NRIP1: variants seen among roughly 807,000 people sequenced by gnomAD.
The protein encoded by NRIP1 is nuclear receptor-interacting protein 1.
Under a neutral mutation model 75.0 loss-of-function variants are expected in NRIP1, and 28 were observed. The observed-to-expected ratio is 0.37, with a 90% CI of 0.28 to 0.51. NRIP1 has a LOEUF of 0.51. NRIP1 is among the 20% of genes least tolerant of loss of function. NRIP1 has a pLI of 0.92. For missense variants in NRIP1, 1,435 were observed against 1,343.7 expected (o/e 1.07, Z -1.06); for synonymous variants, 526 against 487.6 (o/e 1.08, Z -1.04).
Position 14,966,630 on chromosome 21 carries a change from TC to T in NRIP1, c.1562del (p.Gly521GlufsTer6). On this transcript the variant is annotated frameshift_variant, in exon 4 of 4. Transcript: ENST00000318948. LOFTEE classifies it high-confidence loss of function. Reference protein sequence around the residue: ...ENVEKNTSPQGVHNDVSKFNT... With the variant: ...ENVEKNTSPQXVHNDVSKFNT... ...TGAACTTGCTCACATCATTGTGTAC[TC>T]CCTGAGGGCTGGTGTTTTTTTCTAC... The T allele has an allele frequency of 6.2e-7, 1 of 1,614,156 alleles. No homozygotes were observed. The highest frequency in any genetic ancestry group is 8.5e-7 in the Non-Finnish European group (1 of 1,179,994).
chr21:15,045,635 A>T (rs1017570661), intron 1 of NRIP1, among the ~76,000 whole-genome samples: 1 of 152,214 alleles, frequency 6.6e-6, no homozygotes, highest in South Asian at 2.1e-4. Context: ...ACAACAATGA[A>T]GTTTGCCACA....
At chr21:15,037,789 T>C (rs954724189) in intron 2 of NRIP1, among the ~76,000 whole-genome samples, 2 of 152,132 alleles carry the variant, frequency 1.3e-5, no homozygotes, top group Non-Finnish European at 2.9e-5. Context: ...CAGGTAGAAA[T>C]AGGACTTGTC....
At chr21:15,006,471 A>C (rs1173243476) in intron 3 of NRIP1, among the ~76,000 whole-genome samples, 2 of 152,210 alleles carry the variant, frequency 1.3e-5, no homozygotes, top group East Asian at 3.8e-4. Flanking sequence ...GGTGGAACAA[A>C]CAGCTGTAAT....
At chr21:15,020,646 T>C (rs551248206) in intron 2 of NRIP1, among the ~76,000 whole-genome samples, 2 of 152,256 alleles carry the variant, frequency 1.3e-5, no homozygotes, top group African/African-American at 4.8e-5. Context: ...GCAAATCATA[T>C]AACTGATGAA....
In NRIP1 at chr21:14,964,634, C is replaced by T. The variant is rs901229538; in HGVS notation, c.*82G>A. 5 of 1,091,894 alleles carry T rather than the reference C, an allele frequency of 4.6e-6. No individual in the cohort carries two copies. Among genetic ancestry groups the T allele is most frequent in the East Asian group, 5.1e-5 (2 of 39,250 alleles). The allele number at this position is 1,091,894 out of a possible 1,614,324, so 67.6% of individuals were successfully genotyped here. ...GTTTCAATTATACCATGCTTTTTTTCAAATCATGCTCTTATTTATACAGAT... is the reference window on the plus strand; with the variant it reads ...GTTTCAATTATACCATGCTTTTTTTTAAATCATGCTCTTATTTATACAGAT... On this transcript the variant is annotated 3_prime_UTR_variant, in exon 4 of 4. Coordinates refer to ENST00000318948, the MANE Select transcript of NRIP1 (RefSeq NM_003489.4).
chr21:15,048,602 CT>C (rs2089138110), intron 1 of NRIP1, among the ~76,000 whole-genome samples: 3 of 152,240 alleles, frequency 2.0e-5, no homozygotes, highest in Admixed American at 2.0e-4. Flanking sequence ...TAGGACATTA[CT>C]TTTTTAGGAG....
Position 14,966,466 on chromosome 21 carries a change from T to A in NRIP1, c.1727A>T (p.Lys576Ile). The change falls in exon 4 of 4, where the codon AAA (lysine) becomes ATA (isoleucine). Residue 576 changes from lysine to isoleucine, a missense_variant. Transcript: ENST00000318948. ...INLSQHSLVI[K>I]WNSPPYVCST... ...GCAGACATATGGTGGGGAATTCCAT[T>A]TGATGACCAGAGAGTGTTGAGAGAG... 1 of 1,614,082 alleles carries A rather than the reference T, an allele frequency of 6.2e-7. No individual in the cohort carries two copies. Among genetic ancestry groups the A allele is most frequent in the Middle Eastern group, 1.6e-4 (1 of 6,062 alleles).
rs1313756729 is a variant in NRIP1 at position 14,967,392 on chromosome 21, T to A, written c.801A>T (p.Ala267=). The A allele has an allele frequency of 6.2e-7, 1 of 1,613,996 alleles. No individual in the cohort carries two copies. Among genetic ancestry groups the A allele is most frequent in the Non-Finnish European group, 8.5e-7 (1 of 1,180,010 alleles). The part of the protein sequence containing the change: ...PKPSVACSQL[A]LLLSSEAHLQ... Reference sequence around the variant, plus strand: ...AATGGGCTTCGCTTGACAGAAGTAATGCTAACTGGCTACAAGCAACACTAG... The same window carrying A: ...AATGGGCTTCGCTTGACAGAAGTAAAGCTAACTGGCTACAAGCAACACTAG... The change falls in exon 4 of 4, where the codon GCA becomes GCT. Residue 267 remains alanine (A), a synonymous_variant. Coordinates refer to ENST00000318948, the MANE Select transcript of NRIP1 (RefSeq NM_003489.4).
At chr21:15,014,002 A>T (rs1157952848) in intron 3 of NRIP1, among the ~76,000 whole-genome samples, 1 of 152,218 alleles carries the variant, frequency 6.6e-6, no homozygotes, top group Non-Finnish European at 1.5e-5. Context: ...CAACAAAAAT[A>T]CTATTTCTTC....
chr21:15,055,205 G>A (rs2089280931), intron 1 of NRIP1, among the ~76,000 whole-genome samples: 1 of 152,112 alleles, frequency 6.6e-6, no homozygotes, highest in Non-Finnish European at 1.5e-5. Flanking sequence ...TATGTTTCCA[G>A]TTGAACCAAC....
intron 3 of NRIP1, among the ~76,000 whole-genome samples, chr21:14,971,054 T>C (rs2086891459): frequency 6.6e-6 from 1 of 152,212 alleles, no homozygotes; most frequent in African/African-American, 2.4e-5. Flanking sequence ...AATCATCTCT[T>C]AATAATCCAT....
intron 1 of NRIP1, among the ~76,000 whole-genome samples, chr21:15,054,538 G>A (rs2089267808): frequency 6.6e-6 from 1 of 152,060 alleles, no homozygotes; most frequent in Non-Finnish European, 1.5e-5. Flanking sequence ...TAGTATGCCT[G>A]GAAAGAAGAA....
chr21:15,035,448 CAT>C (rs1321145638), intron 2 of NRIP1, among the ~76,000 whole-genome samples: 5 of 151,800 alleles, frequency 3.3e-5, no homozygotes, highest in Non-Finnish European at 7.4e-5. Flanking sequence ...GTATAATTCT[CAT>C]TTTACATTAA....
intron 3 of NRIP1, among the ~76,000 whole-genome samples, chr21:15,004,818 T>A (rs1387832104): frequency 6.6e-6 from 1 of 152,218 alleles, no homozygotes; most frequent in Non-Finnish European, 1.5e-5. Flanking sequence ...ATTGCTTAAC[T>A]AGACTTCTAA....
At chr21:14,979,694 T>A (rs1333493030) in intron 3 of NRIP1, among the ~76,000 whole-genome samples, 1 of 152,052 alleles carries the variant, frequency 6.6e-6, no homozygotes, top group Non-Finnish European at 1.5e-5. Context: ...TTTGTTTTTT[T>A]TAATAGCGAC....
rs76387595 is a variant in NRIP1 at position 15,007,337 on chromosome 21, T to A, written c.-335+7007A>T. On this transcript the variant is annotated intron_variant, in intron 3 of 3. Coordinates refer to ENST00000318948, the MANE Select transcript of NRIP1 (RefSeq NM_003489.4). ...AAGAAAAAGACAGCTCTGGAAACAATGAAGGCTGCTTTGAATATTTAAAAA... is the reference window on the plus strand; with the variant it reads ...AAGAAAAAGACAGCTCTGGAAACAAAGAAGGCTGCTTTGAATATTTAAAAA... Among the ~76,000 whole-genome samples, 109 of 152,230 alleles carry A rather than the reference T, an allele frequency of 7.2e-4. 1 individual carries two copies. In the East Asian group the frequency reaches 0.02, roughly 28 times the overall value.
intron 3 of NRIP1, among the ~76,000 whole-genome samples, chr21:15,005,948 T>A (rs1232138934): frequency 6.6e-6 from 1 of 152,182 alleles, no homozygotes; most frequent in African/African-American, 2.4e-5. Context: ...TCTATTTGTA[T>A]CTTTCAGATT....
At position 14,962,272 on chromosome 21, in the gene NRIP1, T is replaced by C. The variant is rs1431647283; in HGVS notation, c.*2444A>G. On this transcript the variant is annotated 3_prime_UTR_variant, in exon 4 of 4. Transcript: ENST00000318948. ...TCTGTGGATGTATGCCCTTTCTCAC[T>C]GTTCTTTAAAATCACCCTAAATTCA... The C allele has an allele frequency of 6.6e-6, 1 of 151,996 alleles. No individual in the cohort carries two copies. Among genetic ancestry groups the C allele is most frequent in the Non-Finnish European group, 1.5e-5 (1 of 67,872 alleles). The allele number at this position is 151,996 out of a possible 1,614,324, so 9.4% of individuals were successfully genotyped here.
rs2086604874 is a variant in NRIP1 at position 14,962,026 on chromosome 21, T to C, written c.*2690A>G. On this transcript the variant is annotated 3_prime_UTR_variant, in exon 4 of 4. Transcript: ENST00000318948. Reference sequence around the variant, plus strand: ...TATATATATACATATTATATATATATATATATATATATATATAAAATATAT... The same window carrying C: ...TATATATATACATATTATATATATACATATATATATATATATAAAATATAT... 7.1e-6 allele frequency: 1 copy of C among 141,362 alleles called. No homozygotes were observed. Among genetic ancestry groups the C allele is most frequent in the Non-Finnish European group, 1.6e-5 (1 of 63,722 alleles). 8.8% of individuals were successfully genotyped at this position (141,362 alleles called of 1,614,324 possible).
Sources: allele counts gnomAD v4.1 joint callset (sites outside exome capture counted in the v4.1 genomes callset), GRCh38; gene constraint gnomAD v4.1.1; transcripts MANE v1.5; gene names NCBI Gene and HGNC (gene_info 2026-07-23, HGNC 2026-07-21).